Variants in ADA2 observed in about 807,000 individuals in gnomAD.
ADA2 encodes the protein adenosine deaminase 2.
In ADA2, 29 loss-of-function variants were observed where a neutral mutation model predicts 44.2. The observed-to-expected ratio is 0.66, with a 90% CI of 0.49 to 0.89. ADA2 has a LOEUF of 0.89. Among genes scored for constraint, ADA2 ranks in the 40% least tolerant of loss-of-function variants. ADA2 has a pLI of 0.00. For synonymous variants in ADA2, 215 were observed against 234.9 expected (o/e 0.92, Z 0.77); for missense variants, 637 against 644.8 (o/e 0.99, Z 0.13).
chr22:17,218,459 C>T (rs1418513125), intron 1 of ADA2, among the ~76,000 whole-genome samples: 1 of 151,958 alleles, frequency 6.6e-6, no homozygotes, highest in Non-Finnish European at 1.5e-5. Flanking sequence ...CTTTTTTGAC[C>T]ACGGTGTTTG....
chr22:17,214,109 T>C, intron 1 of ADA2: 1 of 691,386 alleles, frequency 1.4e-6, no homozygotes, highest in Non-Finnish European at 2.6e-6. Context: ...AACAGACACC[T>C]GGACACACTC....
chr22:17,193,054 G>A (rs1402030484), intron 4 of ADA2: 7 of 777,712 alleles, frequency 9.0e-6, no homozygotes, highest in African/African-American at 3.5e-5. Context: ...AGGTTCAAGG[G>A]CCAGATCTCG....
chr22:17,203,513 C>G, intron 4 of ADA2, 50 bp downstream of exon 4: 1 of 1,456,850 alleles, frequency 6.9e-7, no homozygotes, highest in Non-Finnish European at 9.6e-7. Flanking sequence ...AGATCTGAGT[C>G]AGGCCAGAGC....
chr22:17,207,327 G>C (rs2062366014), intron 2 of ADA2, 37 bp from the exon 3 acceptor site: 1 of 1,483,192 alleles, frequency 6.7e-7, no homozygotes. Context: ...ACAAAGGGGT[G>C]AAGTCCCATC....
chr22:17,215,434 C>T lies in ADA2; in HGVS notation c.-47+3922G>A, dbSNP rs59951749. Among the ~76,000 whole-genome samples, 418 of 151,720 alleles carry T rather than the reference C, an allele frequency of 2.8e-3. 1 individual carries two copies. The highest frequency in any genetic ancestry group is 9.4e-3 in the African/African-American group (387 of 41,368). ...CAGCCTGACCAACATGGTGAAACCC[C>T]GTCTCTACTAAAAATACAAAAATTA... On this transcript the variant is annotated intron_variant, in intron 1 of 9. Coordinates refer to ENST00000399837, the MANE Select transcript of ADA2 (RefSeq NM_001282225.2).
intron 1 of ADA2, among the ~76,000 whole-genome samples, chr22:17,218,200 G>A (rs1390874603): frequency 1.3e-5 from 2 of 152,102 alleles, no homozygotes; most frequent in Non-Finnish European, 2.9e-5. Context: ...AAATTTTTAA[G>A]TTAAAGAAAA....
intron 3 of ADA2, among the ~76,000 whole-genome samples, chr22:17,205,228 C>G (rs2062341058): frequency 6.6e-6 from 1 of 152,078 alleles, no homozygotes; most frequent in African/African-American, 2.4e-5. Context: ...CCATGTTGGC[C>G]TGGCTGGTTT....
chr22:17,203,607 C>G lies in ADA2; in HGVS notation c.709G>C (p.Glu237Gln). 1.2e-6 allele frequency: 2 copies of G among 1,613,448 alleles called. No homozygotes were observed. Among genetic ancestry groups the G allele is most frequent in the Non-Finnish European group, 8.5e-7 (1 of 1,179,992 alleles). Residue 237 changes from glutamate to glutamine, a missense_variant, in exon 4 of 10, where the codon GAG becomes CAG. Glu to Gln is a conservative substitution (Grantham distance 29, BLOSUM62 2). Transcript: ENST00000399837. ...ATCTCCATGTAGAGCACGTTGTCCT[C>G]GTAGAACTCCTGCATGCTCCGGAAG... ...YVFRSMQEFY[E>Q]DNVLYMEIRA... is the part of the protein sequence containing the mutation.
At chr22:17,209,325 GCACCCCAAGC>G (rs1382048510) in intron 2 of ADA2, 21 bp downstream of exon 2, 1 of 1,580,852 alleles carries the variant, frequency 6.3e-7, no homozygotes, top group Admixed American at 1.7e-5. Context: ...TACCTTCCCA[GCACCCCAAGC>G]CACCCCTTTC....
rs374170344 is a variant in ADA2, at chr22:17,184,983, A to AATATATATATAT, written c.1082-2234_1082-2223dup. On this transcript the variant is annotated intron_variant, in intron 7 of 9. Transcript: ENST00000399837. ...CTGGGTGACAGAGTGCCCATGTCAA[A>AATATATATATAT]ATATATATATATATATATATATATG... 5.0e-3 allele frequency among the ~76,000 whole-genome samples: 393 copies of AATATATATATAT among 78,690 alleles called. 27 individuals carry two copies. Among genetic ancestry groups the AATATATATATAT allele is most frequent in the South Asian group, 0.023 (58 of 2,568 alleles). 51.6% of individuals were successfully genotyped at this position (78,690 alleles called of 152,430 possible).
chr22:17,209,914 G>T (rs552905852), intron 1 of ADA2, 191 bp from the exon 2 acceptor site: 10 of 485,144 alleles, frequency 2.1e-5, no homozygotes, highest in African/African-American at 8.2e-5. Flanking sequence ...TTTTTGAGAC[G>T]GAGTCTCGCT....
At chr22:17,207,876 C>T (rs931769537) in intron 2 of ADA2, among the ~76,000 whole-genome samples, 11 of 152,278 alleles carry the variant, frequency 7.2e-5, no homozygotes, top group African/African-American at 2.4e-4. Flanking sequence ...TGCGCTGGGC[C>T]TGTGTCTGTA....
At chr22:17,191,831 G>A (rs2062119003) in intron 4 of ADA2, 21 bp from the exon 5 acceptor site, 2 of 1,604,566 alleles carry the variant, frequency 1.2e-6, no homozygotes, top group South Asian at 1.1e-5. Context: ...AGCACAACCA[G>A]GAGCCGTCAG....
chr22:17,207,353 T>C, intron 2 of ADA2, 63 bp from the exon 3 acceptor site: 2 of 1,255,016 alleles, frequency 1.6e-6, no homozygotes, highest in Non-Finnish European at 2.3e-6. Context: ...ACTCCAGGGC[T>C]TGGGGACAAA....
chr22:17,199,914 G>T lies in ADA2; in HGVS notation c.753+3649C>A, dbSNP rs558558972. On this transcript the variant is annotated intron_variant, in intron 4 of 9. Coordinates refer to ENST00000399837, the MANE Select transcript of ADA2 (RefSeq NM_001282225.2). ...GGGCAATATGGTAAAACCCCATCTC[G>T]CCAGGCGCGGTGGCTCACGCCTGTA... 1.0e-5 allele frequency: 4 copies of T among 385,586 alleles called. No homozygotes were observed. The East Asian group carries it at 2.0e-4, about 19-fold the overall frequency. 23.9% of individuals were successfully genotyped at this position (385,586 alleles called of 1,614,324 possible). A position where few individuals can be genotyped will look rare whatever the true frequency, so the allele number is the denominator to read the frequency against.
Position 17,188,321 on chromosome 22 carries a change from C to T in ADA2, c.1081+18G>A, listed in dbSNP as rs200622282. Reference sequence around the variant, plus strand: ...ATTGACCACCTCCGCTGCCTCTGCTCGCATCCCGCAGGCTCACCTGTTTCT... The same window carrying T: ...ATTGACCACCTCCGCTGCCTCTGCTTGCATCCCGCAGGCTCACCTGTTTCT... On this transcript the variant is annotated intron_variant, in intron 7 of 9. Coordinates refer to ENST00000399837, the MANE Select transcript of ADA2 (RefSeq NM_001282225.2). 2,872 of 1,590,880 alleles carry T rather than the reference C, an allele frequency of 1.8e-3. 28 individuals are homozygous for T. Among genetic ancestry groups the T allele is most frequent in the Middle Eastern group, 6.3e-3 (37 of 5,920 alleles).
At chr22:17,194,157 A>G (rs2062160412) in intron 4 of ADA2, among the ~76,000 whole-genome samples, 2 of 152,194 alleles carry the variant, frequency 1.3e-5, no homozygotes, top group Admixed American at 6.5e-5. Flanking sequence ...GGCTCCACAC[A>G]GAGTCAAGAG....
intron 1 of ADA2, among the ~76,000 whole-genome samples, chr22:17,216,223 T>C (rs553975268): frequency 6.6e-6 from 1 of 151,852 alleles, no homozygotes; most frequent in South Asian, 2.1e-4. Context: ...AAATTATCCA[T>C]GTGTAGTGGT....
intron 3 of ADA2, among the ~76,000 whole-genome samples, 161 bp from the exon 4 acceptor site, chr22:17,203,934 T>C (rs2062322887): frequency 6.6e-6 from 1 of 152,110 alleles, no homozygotes. Context: ...ATTCCCACGC[T>C]CACGATATAA....
Sources: allele counts gnomAD v4.1 joint callset (sites outside exome capture counted in the v4.1 genomes callset), GRCh38; gene constraint gnomAD v4.1.1; transcripts MANE v1.5; gene names NCBI Gene and HGNC (gene_info 2026-07-23, HGNC 2026-07-21).